Variants in PTPRM observed in about 807,000 individuals in gnomAD.
PTPRM encodes the protein protein tyrosine phosphatase receptor type M, also known as receptor-type tyrosine-protein phosphatase mu.
In PTPRM, 47 loss-of-function variants were observed where a neutral mutation model predicts 186.7. That is an observed-to-expected ratio of 0.25 (90% CI 0.20 to 0.32). PTPRM has a LOEUF of 0.32. PTPRM is among the 10% of genes least tolerant of loss of function. PTPRM has a pLI of 1.00. For synonymous variants in PTPRM, 668 were observed against 674.9 expected, an observed-to-expected ratio of 0.99 and a Z score of 0.16; for missense variants, 1,494 against 1,865.0, an observed-to-expected ratio of 0.80 and a Z score of 3.66.
At chr18:7,914,682 C>G (rs1023451747) in intron 4 of PTPRM, among the ~76,000 whole-genome samples, 4 of 151,950 alleles carry the variant, frequency 2.6e-5, no homozygotes, top group Non-Finnish European at 1.5e-5. Context: ...AATGGTAAAC[C>G]TCTAAATAGC....
At chr18:7,889,989 G>A (rs896772312) in intron 3 of PTPRM, among the ~76,000 whole-genome samples, 2 of 152,206 alleles carry the variant, frequency 1.3e-5, no homozygotes, top group South Asian at 2.1e-4. Flanking sequence ...CTGACGTCAC[G>A]TCCTGTCTGC....
At chr18:7,606,662 C>T (rs978775125) in intron 1 of PTPRM, among the ~76,000 whole-genome samples, 1 of 152,034 alleles carries the variant, frequency 6.6e-6, no homozygotes, top group African/African-American at 2.4e-5. Flanking sequence ...TGGAGGTGAG[C>T]GAGGTGGTTT....
In PTPRM at chr18:7,806,629, A is replaced by G. The variant is rs77322021; in HGVS notation, c.196+32358A>G. On this transcript the variant is annotated intron_variant, in intron 2 of 32. Transcript: ENST00000580170. Reference sequence around the variant, plus strand: ...CATTCTGTATTATTTTGTGCAGTGCAGTGCTGGGCTGTGGCCAGAGACTCT... The same window carrying G: ...CATTCTGTATTATTTTGTGCAGTGCGGTGCTGGGCTGTGGCCAGAGACTCT... 1.2e-3 allele frequency among the ~76,000 whole-genome samples: 189 copies of G among 152,348 alleles called. 3 individuals are homozygous for G. In the East Asian group the frequency reaches 0.033, roughly 26 times the overall value.
chr18:7,728,576 T>C (rs1040203849), intron 1 of PTPRM, among the ~76,000 whole-genome samples: 27 of 152,358 alleles, frequency 1.8e-4, no homozygotes, highest in African/African-American at 6.3e-4. Flanking sequence ...TAAAAGGCAT[T>C]ATTCAGAAAG....
intron 2 of PTPRM, among the ~76,000 whole-genome samples, chr18:7,835,865 G>A (rs2046021316): frequency 7.0e-6 from 1 of 143,296 alleles, no homozygotes; most frequent in Admixed American, 7.3e-5. Flanking sequence ...GTTTTGTTTT[G>A]TTTTGTTTTG....
intron 2 of PTPRM, among the ~76,000 whole-genome samples, chr18:7,794,044 C>A (rs557600572): frequency 1.3e-5 from 2 of 152,252 alleles, no homozygotes; most frequent in South Asian, 2.1e-4. Context: ...ACTAAGTGGT[C>A]CGACTCCAGG....
At chr18:8,247,809 TCTGCTGCCC>T in intron 15 of PTPRM, 27 bp from the exon 16 acceptor site, 1 of 1,489,828 alleles carries the variant, frequency 6.7e-7, no homozygotes, top group Non-Finnish European at 9.4e-7. Context: ...GTATTACCTC[TCTGCTGCCC>T]CTGACCAGCC....
chr18:7,842,657 A>C (rs1319175698), intron 2 of PTPRM, among the ~76,000 whole-genome samples: 3 of 151,946 alleles, frequency 2.0e-5, no homozygotes, highest in Non-Finnish European at 4.4e-5. Context: ...TTCCTAAGGA[A>C]GAAGGAATTT....
In PTPRM at chr18:8,091,604, T is replaced by G. The variant is rs1043397834; in HGVS notation, c.1856+2753T>G. On this transcript the variant is annotated intron_variant, in intron 11 of 32. Coordinates refer to ENST00000580170, the MANE Select transcript of PTPRM (RefSeq NM_001105244.2). ...TCGAAAAGATTTTTTTTTTTTTTTT[T>G]GCAGAAAAGTGAATGTTGTCTTCAA... Among the ~76,000 whole-genome samples, 12 of 150,526 alleles carry G rather than the reference T, an allele frequency of 8.0e-5. No individual in the cohort carries two copies. In the South Asian group the frequency reaches 2.3e-3, roughly 29 times the overall value.
At position 7,934,270 on chromosome 18, in the gene PTPRM, A is replaced by G. The variant is rs138136797; in HGVS notation, c.663+7587A>G. Among the ~76,000 whole-genome samples, 1,242 of 152,258 alleles carry G rather than the reference A, an allele frequency of 8.2e-3. 7 individuals are homozygous for G. The highest frequency in any genetic ancestry group is 0.033 in the South Asian group (158 of 4,826). On this transcript the variant is annotated intron_variant, in intron 5 of 32. Transcript: ENST00000580170. ...GAGTTTAATTTTCTTAAAAAAACTTACTTAGAGTTAACAGTTTTTCAGCTG... is the reference window on the plus strand; with the variant it reads ...GAGTTTAATTTTCTTAAAAAAACTTGCTTAGAGTTAACAGTTTTTCAGCTG...
rs1465281006 is a variant in PTPRM at position 7,568,879 on chromosome 18, C to T, written c.73+988C>T. ...AGGATGACCTTTATTACCTGGGTGACACAGGTGGATAGACGGCAAATGCTG... is the reference window on the plus strand; with the variant it reads ...AGGATGACCTTTATTACCTGGGTGATACAGGTGGATAGACGGCAAATGCTG... On this transcript the variant is annotated intron_variant, in intron 1 of 32. Coordinates refer to ENST00000580170, the MANE Select transcript of PTPRM (RefSeq NM_001105244.2). This position sits in a 1 kb window ranked among gnomAD's most constrained non-coding sequence, Gnocchi z 5.1. 1.3e-5 allele frequency among the ~76,000 whole-genome samples: 2 copies of T among 152,178 alleles called. No individual in the cohort carries two copies. Among genetic ancestry groups the T allele is most frequent in the Non-Finnish European group, 2.9e-5 (2 of 68,040 alleles).
intron 7 of PTPRM, 39 bp downstream of exon 7, chr18:7,955,453 T>C (rs747021172): frequency 1.3e-6 from 2 of 1,574,458 alleles, no homozygotes; most frequent in South Asian, 2.3e-5. Context: ...GTCATTGTCT[T>C]TCCTGGTGTT....
At chr18:7,805,480 A>G (rs2044188635) in intron 2 of PTPRM, among the ~76,000 whole-genome samples, 2 of 152,248 alleles carry the variant, frequency 1.3e-5, no homozygotes, top group South Asian at 4.1e-4. Flanking sequence ...GAGATAAAAA[A>G]ACTTTCTAAA....
chr18:8,020,137 AGT>A (rs1166907833), intron 7 of PTPRM, among the ~76,000 whole-genome samples: 1 of 152,164 alleles, frequency 6.6e-6, no homozygotes, highest in Admixed American at 6.5e-5. Context: ...TTATCGAATT[AGT>A]TGTGACAAAA....
intron 14 of PTPRM, among the ~76,000 whole-genome samples, chr18:8,172,389 A>G (rs182876019): frequency 1.6e-4 from 24 of 151,768 alleles, no homozygotes; most frequent in Non-Finnish European, 2.9e-4. Flanking sequence ...TGTGTCTTCA[A>G]TGTACTGGGA....
At chr18:7,804,086 T>G (rs1186511665) in intron 2 of PTPRM, among the ~76,000 whole-genome samples, 3 of 152,164 alleles carry the variant, frequency 2.0e-5, no homozygotes, top group Non-Finnish European at 4.4e-5. Flanking sequence ...ATTCCAAAGG[T>G]ACTCCCTTAG....
intron 2 of PTPRM, among the ~76,000 whole-genome samples, chr18:7,848,311 T>G (rs1359682523): frequency 6.6e-6 from 1 of 152,212 alleles, no homozygotes; most frequent in African/African-American, 2.4e-5. Flanking sequence ...CTTTCTGTAG[T>G]CAAATAAAAC....
intron 4 of PTPRM, among the ~76,000 whole-genome samples, chr18:7,914,823 T>A (rs1204803907): frequency 1.3e-5 from 2 of 152,150 alleles, no homozygotes; most frequent in Non-Finnish European, 2.9e-5. Flanking sequence ...TGGCAGCAAT[T>A]TGCTTCCTTG....
intron 13 of PTPRM, among the ~76,000 whole-genome samples, chr18:8,131,520 T>C (rs2092507144): frequency 1.3e-5 from 2 of 152,206 alleles, no homozygotes; most frequent in African/African-American, 4.8e-5. Flanking sequence ...GCACACTGAA[T>C]AGAACACCAG....
Sources: allele counts gnomAD v4.1 joint callset (sites outside exome capture counted in the v4.1 genomes callset), GRCh38; gene constraint gnomAD v4.1.1; non-coding constraint Gnocchi (gnomAD v3.1); transcripts MANE v1.5; gene names NCBI Gene and HGNC (gene_info 2026-07-23, HGNC 2026-07-21).